Variants in LYRM1 observed in about 807,000 individuals in gnomAD.
LYRM1 encodes LYR motif-containing protein 1.
A neutral mutation model predicts 14.9 loss-of-function variants in LYRM1; 14 were observed. The ratio of observed to expected loss-of-function variants is 0.94; its 90% CI spans 0.62 to 1.47. LYRM1 has a LOEUF of 1.47. Among genes scored for constraint, LYRM1 ranks in the 40% most tolerant of loss-of-function variants. The probability of loss-of-function intolerance (pLI) is 0.00; values close to 1 mark genes in which losing one functional copy is unlikely to be tolerated. For synonymous variants in LYRM1, 43 were observed against 56.2 expected, an observed-to-expected ratio of 0.77 and a Z score of 1.05; for missense variants, 153 against 149.9, an observed-to-expected ratio of 1.02 and a Z score of -0.11.
At chr16:20,906,292 G>A (rs1370554881) in intron 1 of LYRM1, among the ~76,000 whole-genome samples, 1 of 152,206 alleles carries the variant, frequency 6.6e-6, no homozygotes, top group Non-Finnish European at 1.5e-5. Context: ...AATAGGCAAA[G>A]AAAGGGTATT....
chr16:20,917,864 T>C (rs1247167075), intron 2 of LYRM1, among the ~76,000 whole-genome samples: 4 of 151,948 alleles, frequency 2.6e-5, no homozygotes, highest in Non-Finnish European at 5.9e-5. Flanking sequence ...GGCATGGTTT[T>C]CCCAACCAGA....
At position 20,910,190 on chromosome 16, in the gene LYRM1, C is replaced by G. The variant is rs2082520910; in HGVS notation, c.1-5366C>G. On this transcript the variant is annotated intron_variant, in intron 1 of 3. Coordinates refer to ENST00000567954, the MANE Select transcript of LYRM1 (RefSeq NM_001128302.3). ...CCCTAAGGCAAGAAAGAACATGGTT[C>G]CCTCAAAGACCTGAAACAAACCCAG... Among the ~76,000 whole-genome samples, 4 of 152,186 alleles carry G rather than the reference C, an allele frequency of 2.6e-5. No homozygotes were observed. In the South Asian group the frequency reaches 8.3e-4, roughly 32 times the overall value.
intron 3 of LYRM1, among the ~76,000 whole-genome samples, chr16:20,923,578 G>C (rs1270543967): frequency 6.6e-6 from 1 of 151,450 alleles, no homozygotes; most frequent in East Asian, 1.9e-4. Context: ...TAGGCAGTTA[G>C]TTTGATCCCA....
At chr16:20,923,621 C>T (rs1234591874) in intron 3 of LYRM1, among the ~76,000 whole-genome samples, 1 of 151,960 alleles carries the variant, frequency 6.6e-6, no homozygotes, top group Admixed American at 6.6e-5. Context: ...TCTTTATATA[C>T]ACACACTTTT....
At chr16:20,902,541 A>G (rs1256262715) in intron 1 of LYRM1, 1 of 152,232 alleles carries the variant, frequency 6.6e-6, no homozygotes, top group Non-Finnish European at 1.5e-5. Flanking sequence ...AAGACCTCAG[A>G]GATCAAAGGA....
chr16:20,915,459 C>CAAAA (rs566437893), intron 1 of LYRM1, 97 bp from the exon 2 acceptor site: 1,140 of 793,676 alleles, frequency 1.4e-3, no homozygotes, highest in African/African-American at 2.1e-3. Flanking sequence ...GACTCCGTCT[C>CAAAA]AAAAAAAAAA....
At chr16:20,920,277 G>A in intron 3 of LYRM1, 63 bp downstream of exon 3, 1 of 1,237,362 alleles carries the variant, frequency 8.1e-7, no homozygotes, top group Non-Finnish European at 1.2e-6. Flanking sequence ...TTATTTCCAA[G>A]AATGTGTAAC....
upstream of LYRM1, chr16:20,900,106 C>T (rs1421015889): frequency 1.3e-5 from 2 of 151,622 alleles, no homozygotes; most frequent in Non-Finnish European, 2.9e-5. Flanking sequence ...CCACTCCTCC[C>T]TTTCCACCCC....
In LYRM1 at chr16:20,901,991, G is replaced by C. The variant is rs1418212243; in HGVS notation, c.-1+1102G>C. 6.6e-6 allele frequency among the ~76,000 whole-genome samples: 1 copy of C among 152,202 alleles called. No homozygotes were observed. The highest frequency in any genetic ancestry group is 1.5e-5 in the Non-Finnish European group (1 of 68,040). The stretch of plus-strand genomic sequence containing the variant: ...ATACAAAAATCAGCTGGGCGTAGTG[G>C]CACGCGCCTGTAATCTCTGCTACTC... On this transcript the variant is annotated intron_variant, in intron 1 of 3. Coordinates refer to ENST00000567954, the MANE Select transcript of LYRM1 (RefSeq NM_001128302.3). The surrounding 1 kb of genome is among the most constrained non-coding windows in gnomAD (Gnocchi z 4.6).
rs142612098 is a variant in LYRM1, at chr16:20,903,734, T to C, written c.-1+2845T>C. 3.2e-3 allele frequency among the ~76,000 whole-genome samples: 489 copies of C among 151,970 alleles called. 1 individual carries two copies. Among genetic ancestry groups the C allele is most frequent in the Non-Finnish European group, 5.4e-3 (369 of 68,004 alleles). The stretch of plus-strand genomic sequence containing the variant: ...GTAGTTATTTGATGGTGGAGGAAGC[T>C]GTCCTGAAGGCCTGGACCCCTGCAC... On this transcript the variant is annotated intron_variant, in intron 1 of 3. Coordinates refer to ENST00000567954, the MANE Select transcript of LYRM1 (RefSeq NM_001128302.3).
chr16:20,916,978 G>A (rs1320944010), intron 2 of LYRM1, among the ~76,000 whole-genome samples: 1 of 151,896 alleles, frequency 6.6e-6, no homozygotes, highest in Non-Finnish European at 1.5e-5. Flanking sequence ...ACCACTTTGG[G>A]AGGCCAAGGC....
intron 1 of LYRM1, among the ~76,000 whole-genome samples, chr16:20,915,329 G>A (rs563861183): frequency 1.9e-4 from 29 of 152,018 alleles, no homozygotes; most frequent in Non-Finnish European, 3.2e-4. Flanking sequence ...GCGTGGTGGC[G>A]GGCGCCTGTA....
chr16:20,910,983 G>A lies in LYRM1; in HGVS notation c.1-4573G>A, dbSNP rs3743692. Among the ~76,000 whole-genome samples, 7 of 152,256 alleles carry A rather than the reference G, an allele frequency of 4.6e-5. No individual in the cohort carries two copies. In the East Asian group the frequency reaches 1.3e-3, roughly 29 times the overall value. On this transcript the variant is annotated intron_variant, in intron 1 of 3. Coordinates refer to ENST00000567954, the MANE Select transcript of LYRM1 (RefSeq NM_001128302.3). ...TCATATGAAACCATGGAGTTTTAGG[G>A]AGAGCCAGAAACTCAGAAACCTGTT...
chr16:20,901,783 CCTGTTAGGAGACTGTTGCA>C lies in LYRM1; in HGVS notation c.-1+899_-1+917del, dbSNP rs371202589. ...ATAGAGAAGGGTGGAAGTAGTTAGA[CCTGTTAGGAGACTGTTGCA>C]CTGTAAGACAAAGGAGAGGTGAAGA... is the stretch of plus-strand genomic sequence containing the variant. On this transcript the variant is annotated intron_variant, in intron 1 of 3. Coordinates refer to ENST00000567954, the MANE Select transcript of LYRM1 (RefSeq NM_001128302.3). The surrounding 1 kb of genome is among the most constrained non-coding windows in gnomAD (Gnocchi z 4.6). 8.4e-3 allele frequency among the ~76,000 whole-genome samples: 1,285 copies of C among 152,284 alleles called. 26 individuals carry two copies. The highest frequency in any genetic ancestry group is 0.029 in the African/African-American group (1,216 of 41,554).
At chr16:20,919,961 G>T (rs553763613) in intron 2 of LYRM1, among the ~76,000 whole-genome samples, 161 bp from the exon 3 acceptor site, 1 of 152,258 alleles carries the variant, frequency 6.6e-6, no homozygotes, top group East Asian at 1.9e-4. Context: ...GATTTTAAAA[G>T]TTTATGGTAA....
Position 20,924,842 on chromosome 16 carries a change from A to C in LYRM1, c.*726A>C, listed in dbSNP as rs1177728022. On this transcript the variant is annotated 3_prime_UTR_variant, in exon 4 of 4. Coordinates refer to ENST00000567954, the MANE Select transcript of LYRM1 (RefSeq NM_001128302.3). ...CCAAGCTGGCTTTCAAATTATGTCT[A>C]AACAGAAATGGGACAAATAGACTTG... The C allele has an allele frequency of 6.6e-6, 1 of 152,244 alleles. No homozygotes were observed. Among genetic ancestry groups the C allele is most frequent in the Non-Finnish European group, 1.5e-5 (1 of 68,034 alleles). The allele number at this position is 152,244 out of a possible 1,614,324, so 9.4% of individuals were successfully genotyped here. A position where few individuals can be genotyped will look rare whatever the true frequency, so the allele number is the denominator to read the frequency against.
At chr16:20,922,405 A>G (rs1446248440) in intron 3 of LYRM1, among the ~76,000 whole-genome samples, 1 of 152,178 alleles carries the variant, frequency 6.6e-6, no homozygotes, top group Non-Finnish European at 1.5e-5. Flanking sequence ...GGACAGCTAG[A>G]TGTATATGTG....
intron 1 of LYRM1, among the ~76,000 whole-genome samples, chr16:20,904,067 C>T (rs964245868): frequency 2.6e-5 from 4 of 152,126 alleles, no homozygotes; most frequent in African/African-American, 9.7e-5. Flanking sequence ...CTACTAGTAA[C>T]TGGTGACTGC....
intron 3 of LYRM1, among the ~76,000 whole-genome samples, chr16:20,922,533 G>A (rs902754267): frequency 4.6e-5 from 7 of 151,568 alleles, no homozygotes; most frequent in Admixed American, 1.3e-4. Context: ...ACTGTCACCC[G>A]GGCTGGAGTG....
Sources: gnomAD v4.1 joint callset for allele counts (sites outside exome capture counted in the v4.1 genomes callset) on GRCh38, gnomAD v4.1.1 for gene constraint, Gnocchi (gnomAD v3.1) non-coding constraint, MANE v1.5 for transcripts, NCBI Gene and HGNC (gene_info 2026-07-23, HGNC 2026-07-21) for gene names.